The following HMMR variants were observed in gnomAD, a reference collection of about 807,000 sequenced individuals.
HMMR encodes hyaluronan mediated motility receptor, also known as intracellular hyaluronic acid-binding protein.
A neutral mutation model predicts 101.0 loss-of-function variants in HMMR; 108 were observed. The observed-to-expected ratio is 1.07, with a 90% CI of 0.92 to 1.25. The LOEUF (loss-of-function observed/expected upper bound fraction) is 1.25. Among genes scored for constraint, HMMR ranks in the 50% most tolerant of loss-of-function variants. The pLI is 0.00. For missense variants in HMMR, 813 were observed against 788.7 expected (o/e 1.03, Z -0.37); for synonymous variants, 296 against 276.4 (o/e 1.07, Z -0.70).
rs138628118 is a variant in HMMR at position 163,469,781 on chromosome 5, A to G, written c.414A>G (p.Glu138=). 1,134 of 1,612,142 alleles carry G rather than the reference A, an allele frequency of 7.0e-4. 10 individuals carry two copies. In the African/African-American group the frequency reaches 0.013, roughly 19 times the overall value. ...TSLSANNATL[E]KQLIELTRTN... ...TCTCTGCAAATAATGCTACACTGGA[A>G]AAACAACTTATTGAATTGACCAGGA... is the stretch of plus-strand genomic sequence containing the variant. The change falls in exon 5 of 18, where the codon GAA becomes GAG. Residue 138 remains glutamate, a synonymous_variant. Transcript: ENST00000393915.
In HMMR at chr5:163,490,434, T is replaced by C; in HGVS notation, c.2007T>C (p.Ser669=). The C allele has an allele frequency of 6.3e-7, 1 of 1,593,838 alleles. No individual in the cohort carries two copies. Among genetic ancestry groups the C allele is most frequent in the Non-Finnish European group, 8.5e-7 (1 of 1,172,512 alleles). The change falls in exon 17 of 18, where the codon AGT becomes AGC. Residue 669 remains serine (S), a synonymous_variant. Coordinates refer to ENST00000393915, the MANE Select transcript of HMMR (RefSeq NM_001142556.2). The part of the protein sequence containing the change: ...LRCQLAKKKQ[S]ETKLQEELNK... ...GTCAGCTTGCTAAAAAAAAACAAAG[T>C]GAGACAAAACTTCAAGAGGAATTGA...
intron 16 of HMMR, among the ~76,000 whole-genome samples, chr5:163,485,115 A>T (rs868440947): frequency 2.6e-5 from 4 of 152,274 alleles, no homozygotes; most frequent in Middle Eastern, 3.4e-3. Flanking sequence ...TTTTCCTGGG[A>T]CATATTATTT....
chr5:163,488,796 T>C (rs564617084), intron 16 of HMMR, among the ~76,000 whole-genome samples: 361 of 152,340 alleles, frequency 2.4e-3, no homozygotes, highest in Non-Finnish European at 4.6e-3. Flanking sequence ...GGCTCCTTTG[T>C]AGGGATTGCA....
At chr5:163,469,851 A>G in intron 5 of HMMR, 22 bp downstream of exon 5, 1 of 1,471,872 alleles carries the variant, frequency 6.8e-7, no homozygotes, top group African/African-American at 1.4e-5. Context: ...TCATGATAAT[A>G]TTTACAATTG....
rs145271555 is a variant in HMMR, at chr5:163,482,072, C to T, written c.1386-570C>T. On this transcript the variant is annotated intron_variant, in intron 12 of 17. Coordinates refer to ENST00000393915, the MANE Select transcript of HMMR (RefSeq NM_001142556.2). ...CTGAGATTACAGGTGTCCACCACCA[C>T]GCTTGGCTAATTTTTTGTGTTTTTA... Among the ~76,000 whole-genome samples, 889 of 152,188 alleles carry T rather than the reference C, an allele frequency of 5.8e-3. 15 individuals are homozygous for T. The highest frequency in any genetic ancestry group is 0.016 in the Admixed American group (245 of 15,286).
chr5:163,482,779 AAT>A lies in HMMR; in HGVS notation c.1526_1527del (p.Tyr509CysfsTer19), dbSNP rs1759317703. Reference sequence around the variant, plus strand: ...TTGGCAACTGAGAGCTCAAATCAAGAATATGTAAGGTATATAGAGCAAATAAT... The same window carrying A: ...TTGGCAACTGAGAGCTCAAATCAAGAATGTAAGGTATATAGAGCAAATAAT... On this transcript the variant is annotated frameshift_variant, in exon 13 of 18. Transcript: ENST00000393915. LOFTEE classifies it high-confidence loss of function. The A allele has an allele frequency of 6.2e-7, 1 of 1,613,326 alleles. No homozygotes were observed. Among genetic ancestry groups the A allele is most frequent in the Non-Finnish European group, 8.5e-7 (1 of 1,179,422 alleles).
At chr5:163,472,329 A>C (rs891111210) in intron 7 of HMMR, among the ~76,000 whole-genome samples, 2 of 152,060 alleles carry the variant, frequency 1.3e-5, no homozygotes, top group Admixed American at 6.6e-5. Context: ...CACCTTATGA[A>C]TATACCTCCA....
rs768433654 is a variant in HMMR at position 163,467,680 on chromosome 5, GT to G, written c.226-14del. On this transcript the variant is annotated intron_variant, in intron 3 of 17. Transcript: ENST00000393915. ...CTGTGACATCTAAATTTGCTTATAA[GT>G]TTTTTTGGCTTTTAAACAGAAGGAA... 7.7e-6 allele frequency: 11 copies of G among 1,434,436 alleles called. No individual in the cohort carries two copies. The highest frequency in any genetic ancestry group is 1.1e-5 in the Non-Finnish European group (11 of 1,024,872). 88.9% of individuals were successfully genotyped at this position (1,434,436 alleles called of 1,614,324 possible). A position where few individuals can be genotyped will look rare whatever the true frequency, so the allele number is the denominator to read the frequency against.
intron 9 of HMMR, 28 bp downstream of exon 9, chr5:163,473,585 T>C: frequency 7.1e-7 from 1 of 1,410,252 alleles, no homozygotes; most frequent in South Asian, 1.3e-5. Flanking sequence ...AGTTACTTTG[T>C]TTAGATAAGT....
chr5:163,484,179 T>C lies in HMMR; in HGVS notation c.1896T>C (p.His632=). ...IRDSYAKLLG[H]QNLKQKIKHV... Reference sequence around the variant, plus strand: ...ATTCATATGCTAAATTATTGGGTCATCAGAATTTGAAACAAAAAATCAAGC... The same window carrying C: ...ATTCATATGCTAAATTATTGGGTCACCAGAATTTGAAACAAAAAATCAAGC... Residue 632 remains histidine (H), a synonymous_variant, in exon 16 of 18, where the codon CAT becomes CAC. Coordinates refer to ENST00000393915, the MANE Select transcript of HMMR (RefSeq NM_001142556.2). 2 of 1,605,788 alleles carry C rather than the reference T, an allele frequency of 1.2e-6. No homozygotes were observed. Among genetic ancestry groups the C allele is most frequent in the African/African-American group, 2.7e-5 (2 of 74,732 alleles).
chr5:163,474,663 G>C, intron 10 of HMMR: 2 of 439,970 alleles, frequency 4.5e-6, no homozygotes, highest in South Asian at 3.3e-5. Context: ...TGTAAATATA[G>C]AAAGATACTC....
At chr5:163,466,412 C>G (rs1758710112) in intron 3 of HMMR, among the ~76,000 whole-genome samples, 1 of 152,156 alleles carries the variant, frequency 6.6e-6, no homozygotes, top group Non-Finnish European at 1.5e-5. Context: ...CTATGTTGTT[C>G]TGTATGGAAG....
chr5:163,486,179 G>A (rs1759470756), intron 16 of HMMR, among the ~76,000 whole-genome samples: 2 of 152,144 alleles, frequency 1.3e-5, no homozygotes, highest in East Asian at 3.9e-4. Flanking sequence ...GAAACCAGCT[G>A]GGATTCTGAT....
Position 163,471,513 on chromosome 5 carries a change from T to C in HMMR, c.650+50T>C, listed in dbSNP as rs755374925. On this transcript the variant is annotated intron_variant, in intron 7 of 17. Transcript: ENST00000393915. ...ATTGTTAAGTGGAAGCAATTCTTGA[T>C]TTGAGTCTCTTCACAAATTATTGTT... 4.2e-6 allele frequency: 5 copies of C among 1,198,348 alleles called. No homozygotes were observed. In the Admixed American group the frequency reaches 9.2e-5, roughly 22 times the overall value. The allele number at this position is 1,198,348 out of a possible 1,614,324, so 74.2% of individuals were successfully genotyped here. A position where few individuals can be genotyped will look rare whatever the true frequency, so the allele number is the denominator to read the frequency against.
chr5:163,474,169 A>G lies in HMMR; in HGVS notation c.1017A>G (p.Lys339=), dbSNP rs1406500771. The change falls in exon 10 of 18, where the codon AAA becomes AAG. Residue 339 remains lysine, a synonymous_variant. Coordinates refer to ENST00000393915, the MANE Select transcript of HMMR (RefSeq NM_001142556.2). ...AGGAACGTGAAAAGCTTCAACAAAA[A>G]GAATTACAAATTGATTCACTTCTGC... ...EQQEREKLQQ[K]ELQIDSLLQQ... 1 of 1,609,322 alleles carries G rather than the reference A, an allele frequency of 6.2e-7. No homozygotes were observed. Among genetic ancestry groups the G allele is most frequent in the East Asian group, 2.2e-5 (1 of 44,700 alleles).
intron 3 of HMMR, among the ~76,000 whole-genome samples, chr5:163,466,053 CAA>C (rs1758696020): frequency 1.3e-5 from 2 of 151,416 alleles, no homozygotes; most frequent in Non-Finnish European, 2.9e-5. Context: ...TGCTTGAGGT[CAA>C]GAGTTCGAGA....
intron 16 of HMMR, among the ~76,000 whole-genome samples, chr5:163,488,200 G>C (rs1408381997): frequency 6.6e-6 from 1 of 151,950 alleles, no homozygotes; most frequent in African/African-American, 2.4e-5. Flanking sequence ...TAGATGTGGG[G>C]GTACATATGC....
At chr5:163,476,996 A>C (rs1289643924) in intron 11 of HMMR, among the ~76,000 whole-genome samples, 1 of 152,204 alleles carries the variant, frequency 6.6e-6, no homozygotes, top group Admixed American at 6.5e-5. Flanking sequence ...GCACCACTGC[A>C]CTCCAGCCTG....
At chr5:163,464,861 G>A (rs1451416512) in intron 3 of HMMR, 59 bp downstream of exon 3, 12 of 1,037,180 alleles carry the variant, frequency 1.2e-5, no homozygotes, top group African/African-American at 4.8e-5. Context: ...ACATCTGAAA[G>A]TATTGTATTT....
Sources: allele counts gnomAD v4.1 joint callset (sites outside exome capture counted in the v4.1 genomes callset), GRCh38; gene constraint gnomAD v4.1.1; transcripts MANE v1.5; gene names NCBI Gene and HGNC (gene_info 2026-07-23, HGNC 2026-07-21).